NANOS3: variants seen among roughly 807,000 people sequenced by gnomAD.
The protein encoded by NANOS3 is nanos homolog 3.
In NANOS3, 11 loss-of-function variants were observed where a neutral mutation model predicts 13.8. The ratio of observed to expected loss-of-function variants is 0.80; its 90% CI spans 0.50 to 1.32. The LOEUF (loss-of-function observed/expected upper bound fraction) is 1.32, where lower values mean the gene tolerates loss of function less well. Among genes scored for constraint, NANOS3 ranks in the 40% most tolerant of loss-of-function variants. NANOS3 has a pLI of 0.00. For synonymous variants in NANOS3, 119 were observed against 115.4 expected (o/e 1.03, Z -0.20); for missense variants, 221 against 263.8 (o/e 0.84, Z 1.12).
At chr19:13,865,443 C>G (rs977635399) in intron 1 of NANOS3, 11 of 146,198 alleles carry the variant, frequency 7.5e-5, no homozygotes, top group Non-Finnish European at 1.5e-4. Context: ...TCGAGGTGAG[C>G]GCGGGCGCCG....
chr19:13,867,176 G>A (rs1043976628), intron 1 of NANOS3, among the ~76,000 whole-genome samples: 1 of 152,024 alleles, frequency 6.6e-6, no homozygotes, highest in Non-Finnish European at 1.5e-5. Flanking sequence ...CCTGACCTCA[G>A]GGGATCCGCT....
chr19:13,874,300 C>T (rs890205654), upstream of NANOS3, among the ~76,000 whole-genome samples: 3 of 152,230 alleles, frequency 2.0e-5, no homozygotes, highest in African/African-American at 7.2e-5. Context: ...CTCCACGTTG[C>T]ATCAATGCCC....
In NANOS3 at chr19:13,877,740, C is replaced by G; in HGVS notation, c.492C>G (p.His164Gln). 1.9e-6 allele frequency: 3 copies of G among 1,582,806 alleles called. No individual in the cohort carries two copies. The highest frequency in any genetic ancestry group is 2.6e-6 in the Non-Finnish European group (3 of 1,167,024). The change falls in exon 1 of 2, where the codon CAC (histidine) becomes CAG (glutamine). Residue 164 changes from histidine to glutamine, a missense_variant. This residue lies in a region of NANOS3 where 60 missense variants were observed against 56.5 expected (regional missense o/e 1.06). Coordinates refer to ENST00000339133, the MANE Select transcript of NANOS3 (RefSeq NM_001098622.3). ...AGGCGAAGACACAGGACACAGGCCA[C>G]CGCCGAGGAGGAGGAGGAGGAGCAG... is the stretch of plus-strand genomic sequence containing the variant. ...PDKAKTQDTG[H>Q]RRGGGGGAGF...
chr19:13,870,931 C>T (rs1257537226), intron 1 of NANOS3, among the ~76,000 whole-genome samples: 3 of 151,810 alleles, frequency 2.0e-5, no homozygotes, highest in Non-Finnish European at 4.4e-5. Context: ...ATCCCCAGCT[C>T]CCCTGCCCAG....
At chr19:13,868,820 C>A (rs927605290) in intron 1 of NANOS3, among the ~76,000 whole-genome samples, 2 of 152,082 alleles carry the variant, frequency 1.3e-5, no homozygotes, top group African/African-American at 4.8e-5. Flanking sequence ...CAGACACCCA[C>A]GCACACTGGC....
chr19:13,867,332 C>T (rs1478687673), intron 1 of NANOS3, among the ~76,000 whole-genome samples: 1 of 151,652 alleles, frequency 6.6e-6, no homozygotes, highest in Non-Finnish European at 1.5e-5. Context: ...GCAATCTAGG[C>T]TCACTGCAAT....
At chr19:13,862,146 G>C (rs1487651700), upstream of NANOS3, 1 of 152,438 alleles carries the variant, frequency 6.6e-6, no homozygotes, top group Non-Finnish European at 1.5e-5. Flanking sequence ...CGCCCGCCCC[G>C]GCAAATGCGT....
At chr19:13,869,094 G>A (rs79549429) in intron 1 of NANOS3, among the ~76,000 whole-genome samples, 6,315 of 152,090 alleles carry the variant, frequency 0.042, 456 homozygotes, top group African/African-American at 0.15. Flanking sequence ...TTCTTGAGAC[G>A]GAGCCCACCC....
upstream of NANOS3, among the ~76,000 whole-genome samples, chr19:13,872,357 AAAAAG>A (rs577729439): frequency 0.011 from 1,656 of 150,446 alleles, 12 homozygotes; most frequent in Non-Finnish European, 0.017. Flanking sequence ...AAAAAAAAAA[AAAAAG>A]AGAGAGAGAG....
chr19:13,864,766 T>G (rs537390389), upstream of NANOS3, among the ~76,000 whole-genome samples: 9 of 152,178 alleles, frequency 5.9e-5, no homozygotes, highest in East Asian at 1.5e-3. Context: ...CCTTCCCTCC[T>G]GTCCTGAATG....
chr19:13,880,221 C>T (rs1968604415), intron 1 of NANOS3, among the ~76,000 whole-genome samples: 1 of 152,156 alleles, frequency 6.6e-6, no homozygotes, highest in South Asian at 2.1e-4. Context: ...CACGAGAGGG[C>T]ACCACAGTCG....
upstream of NANOS3, among the ~76,000 whole-genome samples, chr19:13,864,307 C>T (rs1286494743): frequency 1.3e-5 from 2 of 152,096 alleles, no homozygotes; most frequent in African/African-American, 2.4e-5. Context: ...GGTCTGTGCA[C>T]CTGGCCTGTA....
At chr19:13,876,178 T>G (rs532800703), upstream of NANOS3, among the ~76,000 whole-genome samples, 1 of 151,832 alleles carries the variant, frequency 6.6e-6, no homozygotes, top group Non-Finnish European at 1.5e-5. Context: ...TTACTCTGTT[T>G]CCCAGGCTGG....
chr19:13,870,734 C>CT (rs1217053918), intron 1 of NANOS3, among the ~76,000 whole-genome samples: 3 of 150,088 alleles, frequency 2.0e-5, no homozygotes, highest in Admixed American at 6.7e-5. Flanking sequence ...TGCCTGGCTA[C>CT]TTTTTTTTTG....
rs758163429 is a variant in NANOS3, at chr19:13,877,447, C to G, written c.199C>G (p.Leu67Val). 6.2e-7 allele frequency: 1 copy of G among 1,611,982 alleles called. No individual in the cohort carries two copies. Among genetic ancestry groups the G allele is most frequent in the Non-Finnish European group, 8.5e-7 (1 of 1,179,988 alleles). ...VPGPKDQKRS[L>V]ESSPAPERLC... ...GGGACCCAAGGATCAGAAGCGCAGC[C>G]TGGAGTCCTCGCCAGCTCCCGAACG... The change falls in exon 1 of 2, where the codon CTG (leucine) becomes GTG (valine). Residue 67 changes from leucine (L) to valine (V), a missense_variant. Physicochemically the swap from Leu to Val is conservative, Grantham distance 32 (BLOSUM62 1). Coordinates refer to ENST00000339133, the MANE Select transcript of NANOS3 (RefSeq NM_001098622.3).
chr19:13,865,367 C>A (rs1162715151), upstream of NANOS3: 1 of 147,416 alleles, frequency 6.8e-6, no homozygotes, highest in Non-Finnish European at 1.5e-5. Context: ...GCAGGCGCCT[C>A]GGGCCCGGGG....
intron 1 of NANOS3, among the ~76,000 whole-genome samples, chr19:13,866,484 C>A (rs948707152): frequency 6.6e-6 from 1 of 152,168 alleles, no homozygotes; most frequent in Admixed American, 6.6e-5. Context: ...TACAGCACCC[C>A]GATTAATACG....
chr19:13,875,095 G>C (rs1044480107), upstream of NANOS3: 1 of 380,618 alleles, frequency 2.6e-6, no homozygotes, highest in Admixed American at 2.9e-5. Flanking sequence ...GAGGAGAGCT[G>C]GTGTCTGGAA....
chr19:13,872,751 A>C (rs1451246139), upstream of NANOS3, among the ~76,000 whole-genome samples: 8 of 151,560 alleles, frequency 5.3e-5, no homozygotes, highest in Non-Finnish European at 1.0e-4. Context: ...AGGCCCCCCC[A>C]CTCCACAGCC....
Sources: allele counts gnomAD v4.1 joint callset (sites outside exome capture counted in the v4.1 genomes callset), GRCh38; gene constraint gnomAD v4.1.1; regional missense constraint gnomAD v4.1.1; transcripts MANE v1.5; gene names NCBI Gene and HGNC (gene_info 2026-07-23, HGNC 2026-07-21).